The following UBE2H variants were observed in gnomAD, a reference collection of about 807,000 sequenced individuals.
UBE2H encodes ubiquitin-conjugating enzyme E2 H.
UBE2H carries 3 observed loss-of-function variants against 29.0 expected under a neutral mutation model. The ratio of observed to expected loss-of-function variants is 0.10; its 90% CI spans 0.05 to 0.27. UBE2H has a LOEUF of 0.27. Ranked by LOEUF, UBE2H falls within the 10% of genes least tolerant of loss-of-function variation. The pLI, the probability that UBE2H is intolerant of heterozygous loss-of-function variation, is 1.00. For missense variants in UBE2H, 68 were observed against 228.2 expected (o/e 0.30, Z 4.52); for synonymous variants, 69 against 82.9 (o/e 0.83, Z 0.91).
chr7:129,908,149 CAAAATAATGACATA>C (rs1806857201), intron 1 of UBE2H, among the ~76,000 whole-genome samples: 1 of 152,186 alleles, frequency 6.6e-6, no homozygotes, highest in African/African-American at 2.4e-5. Context: ...TCTTCTCACT[CAAAATAATGACATA>C]ATTCCGAAGC....
intron 3 of UBE2H, among the ~76,000 whole-genome samples, chr7:129,878,682 C>CAAAAAAAAAAAAAA (rs772936668): frequency 1.3e-5 from 1 of 75,070 alleles, no homozygotes; most frequent in Non-Finnish European, 2.3e-5. Context: ...GACTCCGTCT[C>CAAAAAAAAAAAAAA]AAAAAAAAAA....
intron 3 of UBE2H, among the ~76,000 whole-genome samples, chr7:129,869,053 C>T (rs1805976440): frequency 6.6e-6 from 1 of 151,806 alleles, no homozygotes; most frequent in South Asian, 2.1e-4. Context: ...TCTCCTGCCT[C>T]AGTCTCCTGA....
At chr7:129,836,825 G>A (rs1263910713) in intron 6 of UBE2H, among the ~76,000 whole-genome samples, 5 of 143,004 alleles carry the variant, frequency 3.5e-5, no homozygotes, top group African/African-American at 1.3e-4. Context: ...GGCTGCAGTG[G>A]GCCGAGATCG....
intron 4 of UBE2H, 141 bp from the exon 5 acceptor site, chr7:129,857,704 T>C (rs1389952235): frequency 4.5e-6 from 4 of 880,008 alleles, no homozygotes; most frequent in Non-Finnish European, 5.2e-6. Flanking sequence ...AAAAGTATGA[T>C]GAGGAACAGA....
chr7:129,843,391 T>C (rs1805461058), intron 5 of UBE2H, among the ~76,000 whole-genome samples: 1 of 152,192 alleles, frequency 6.6e-6, no homozygotes, highest in Non-Finnish European at 1.5e-5. Context: ...ATATACACTC[T>C]TAATTTCACT....
chr7:129,943,965 T>TA (rs894635411), intron 1 of UBE2H, among the ~76,000 whole-genome samples: 16 of 152,202 alleles, frequency 1.1e-4, no homozygotes, highest in Admixed American at 7.2e-4. Flanking sequence ...GTTTTATTGA[T>TA]AAAAAAATTA....
At chr7:129,900,630 TTTA>T (rs1452562820) in intron 1 of UBE2H, among the ~76,000 whole-genome samples, 2 of 152,206 alleles carry the variant, frequency 1.3e-5, no homozygotes, top group African/African-American at 4.8e-5. Flanking sequence ...TAAATTTTTT[TTTA>T]TTATACTTTA....
intron 1 of UBE2H, among the ~76,000 whole-genome samples, chr7:129,913,930 G>A (rs145961510): frequency 5.4e-4 from 82 of 152,308 alleles, no homozygotes; most frequent in Admixed American, 8.5e-4. Flanking sequence ...GACATGGAAG[G>A]AGATAACACT....
At chr7:129,915,842 A>T (rs1283800514) in intron 1 of UBE2H, among the ~76,000 whole-genome samples, 2 of 152,222 alleles carry the variant, frequency 1.3e-5, no homozygotes, top group African/African-American at 4.8e-5. Context: ...GTATCTCAAA[A>T]TCCATAAAAA....
chr7:129,835,455 A>G (rs1441376538), intron 6 of UBE2H, among the ~76,000 whole-genome samples: 1 of 152,150 alleles, frequency 6.6e-6, no homozygotes, highest in Non-Finnish European at 1.5e-5. Flanking sequence ...ATCCTTCATC[A>G]TTTTTAGATC....
At chr7:129,879,234 G>A (rs1426476825) in intron 3 of UBE2H, among the ~76,000 whole-genome samples, 1 of 152,138 alleles carries the variant, frequency 6.6e-6, no homozygotes, top group African/African-American at 2.4e-5. Flanking sequence ...ATTCATTCTT[G>A]CAATCTGGCA....
intron 1 of UBE2H, among the ~76,000 whole-genome samples, chr7:129,944,765 C>CACGT (rs1469783577): frequency 2.6e-5 from 4 of 151,608 alleles, no homozygotes; most frequent in Admixed American, 1.3e-4. Flanking sequence ...CGCACGCACG[C>CACGT]GCATGCGCAA....
chr7:129,867,699 T>TAAAAAAAAAAAAAAAAAGAAAAA (rs1805933823), intron 3 of UBE2H, among the ~76,000 whole-genome samples: 1 of 29,644 alleles, frequency 3.4e-5, no homozygotes, highest in Non-Finnish European at 5.8e-5. Context: ...TAGAGTATAA[T>TAAAAAAAAAAAAAAAAAGAAAAA]AAAAAAAAAA....
chr7:129,873,684 C>T (rs1474572915), intron 3 of UBE2H, among the ~76,000 whole-genome samples: 1 of 151,922 alleles, frequency 6.6e-6, no homozygotes, highest in East Asian at 1.9e-4. Flanking sequence ...GTGATGTGCC[C>T]ACTTCGGCCT....
chr7:129,940,485 T>G (rs1807619633), intron 1 of UBE2H, among the ~76,000 whole-genome samples: 1 of 152,190 alleles, frequency 6.6e-6, no homozygotes, highest in East Asian at 1.9e-4. Context: ...TTCCAGAGAA[T>G]GGCAAAGTCC....
intron 1 of UBE2H, among the ~76,000 whole-genome samples, chr7:129,945,542 G>C (rs544439822): frequency 1.3e-5 from 2 of 152,284 alleles, no homozygotes; most frequent in East Asian, 3.9e-4. Context: ...AGCCCGCTGA[G>C]TGTAGGGCTC....
chr7:129,889,680 T>C (rs987246410), intron 1 of UBE2H, among the ~76,000 whole-genome samples: 13 of 152,126 alleles, frequency 8.5e-5, no homozygotes, highest in South Asian at 4.1e-4. Flanking sequence ...CAGCAAACAG[T>C]AGACTACAAA....
chr7:129,845,134 A>G (rs1269255923), intron 5 of UBE2H, among the ~76,000 whole-genome samples: 6 of 152,172 alleles, frequency 3.9e-5, no homozygotes, highest in Admixed American at 3.9e-4. Context: ...CCAAATCATA[A>G]ACAACTTATC....
chr7:129,945,052 T>C (rs1421034307), intron 1 of UBE2H, among the ~76,000 whole-genome samples: 1 of 152,150 alleles, frequency 6.6e-6, no homozygotes, highest in Admixed American at 6.5e-5. Flanking sequence ...CGCTTATATA[T>C]ACAATTCTAG....
Sources: allele counts gnomAD v4.1 joint callset (sites outside exome capture counted in the v4.1 genomes callset), GRCh38; gene constraint gnomAD v4.1.1; transcripts MANE v1.5; gene names NCBI Gene and HGNC (gene_info 2026-07-23, HGNC 2026-07-21).